UGT1A9: variants seen among roughly 807,000 people sequenced by gnomAD.
The protein encoded by UGT1A9 is UDP-glucuronosyltransferase 1A9.
In UGT1A9, 35 loss-of-function variants were observed where a neutral mutation model predicts 45.0. That is an observed-to-expected ratio of 0.78 (90% CI 0.59 to 1.03). UGT1A9 has a LOEUF of 1.03. UGT1A9 is among the 50% of genes least tolerant of loss of function. The probability of loss-of-function intolerance (pLI) is 0.00; values close to 1 mark genes in which losing one functional copy is unlikely to be tolerated. For missense variants in UGT1A9, 687 were observed against 666.6 expected (o/e 1.03, Z -0.34); for synonymous variants, 278 against 250.6 (o/e 1.11, Z -1.03).
intron 1 of UGT1A9, chr2:233,682,363 T>C: frequency 6.2e-7 from 1 of 1,614,138 alleles, no homozygotes; most frequent in Non-Finnish European, 8.5e-7. Flanking sequence ...AGAGTTGTTT[T>C]GATGCAGTGT....
intron 1 of UGT1A9, among the ~76,000 whole-genome samples, chr2:233,717,384 C>G (rs1271366561): frequency 6.6e-6 from 1 of 152,240 alleles, no homozygotes; most frequent in Non-Finnish European, 1.5e-5. Flanking sequence ...CAGACCTGCC[C>G]TCTCTGTGCC....
chr2:233,720,168 A>G (rs957295954), intron 1 of UGT1A9, among the ~76,000 whole-genome samples: 6 of 152,154 alleles, frequency 3.9e-5, no homozygotes, highest in Non-Finnish European at 7.3e-5. Context: ...AGTGTCAAAG[A>G]GGTTGACTCA....
intron 1 of UGT1A9, among the ~76,000 whole-genome samples, chr2:233,685,069 A>AT (rs1419211774): frequency 6.6e-6 from 1 of 151,848 alleles, no homozygotes; most frequent in Non-Finnish European, 1.5e-5. Flanking sequence ...TGCACAGGAG[A>AT]TTTTTTTTCT....
In UGT1A9 at chr2:233,672,289, T is replaced by A; in HGVS notation, c.355T>A (p.Leu119Ile). ...LMGSYNDIFDLFFSNCRSLFK... is the reference protein window; with the variant it reads ...LMGSYNDIFDIFFSNCRSLFK... ...GGGTTCATACAATGACATTTTTGAC[T>A]TATTTTTTTCAAATTGCAGGAGTTT... Residue 119 changes from leucine (L) to isoleucine (I), a missense_variant, in exon 1 of 5, where the codon TTA becomes ATA. By Grantham distance (5) the Leu-to-Ile change is conservative. Transcript: ENST00000354728. The A allele has an allele frequency of 6.2e-7, 1 of 1,613,896 alleles. No individual in the cohort carries two copies. Among genetic ancestry groups the A allele is most frequent in the Non-Finnish European group, 8.5e-7 (1 of 1,179,848 alleles).
chr2:233,706,043 C>T (rs1342276693), intron 1 of UGT1A9, among the ~76,000 whole-genome samples: 1 of 152,002 alleles, frequency 6.6e-6, no homozygotes, highest in East Asian at 1.9e-4. Flanking sequence ...TGCAGTGAGC[C>T]GAGATCACGC....
At chr2:233,724,475 T>A (rs568755731) in intron 1 of UGT1A9, among the ~76,000 whole-genome samples, 8 of 68,812 alleles carry the variant, frequency 1.2e-4, no homozygotes, top group Non-Finnish European at 1.5e-4. Flanking sequence ...GGCTCCTCAC[T>A]TCTCAGACGG....
chr2:233,729,379 A>C, intron 1 of UGT1A9: 1 of 1,613,990 alleles, frequency 6.2e-7, no homozygotes, highest in South Asian at 1.1e-5. Context: ...CATTTCGTGG[A>C]CCCAGGATGA....
chr2:233,736,616 C>T (rs1448370829), intron 1 of UGT1A9, among the ~76,000 whole-genome samples: 1 of 152,208 alleles, frequency 6.6e-6, no homozygotes, highest in Non-Finnish European at 1.5e-5. Flanking sequence ...TTAGAATTTT[C>T]AGCTTTTCTG....
At chr2:233,733,743 C>T (rs1444086929) in intron 1 of UGT1A9, among the ~76,000 whole-genome samples, 1 of 152,214 alleles carries the variant, frequency 6.6e-6, no homozygotes, top group Non-Finnish European at 1.5e-5. Context: ...CGATGTTCAT[C>T]AGGGATATTT....
chr2:233,717,184 T>G (rs1236730642), intron 1 of UGT1A9, among the ~76,000 whole-genome samples: 1 of 152,144 alleles, frequency 6.6e-6, no homozygotes. Context: ...AAGAGCACCC[T>G]CCCAGGCATG....
intron 1 of UGT1A9, among the ~76,000 whole-genome samples, chr2:233,710,315 T>G (rs1041842675): frequency 6.6e-6 from 1 of 152,244 alleles, no homozygotes; most frequent in African/African-American, 2.4e-5. Context: ...GGTAGGTGTA[T>G]GTATGACTTC....
chr2:233,703,726 C>CT (rs958884874), intron 1 of UGT1A9, among the ~76,000 whole-genome samples: 15 of 151,578 alleles, frequency 9.9e-5, no homozygotes, highest in African/African-American at 2.2e-4. Context: ...TAAATATAAA[C>CT]TTTTTTTTGT....
At chr2:233,765,847 T>G (rs531904348) in intron 1 of UGT1A9, among the ~76,000 whole-genome samples, 5 of 152,168 alleles carry the variant, frequency 3.3e-5, no homozygotes, top group African/African-American at 9.6e-5. Context: ...CTTGTCCCCC[T>G]CACAGAGCAT....
rs1692921739 is a variant in UGT1A9 at position 233,744,781 on chromosome 2, G to GA, written c.856-22248dup. Among the ~76,000 whole-genome samples the GA allele has an allele frequency of 2.0e-5, 3 of 151,856 alleles. No individual in the cohort carries two copies. The South Asian group carries it at 6.2e-4, about 31-fold the overall frequency. On this transcript the variant is annotated intron_variant, in intron 1 of 4. Coordinates refer to ENST00000354728, the MANE Select transcript of UGT1A9 (RefSeq NM_021027.3). ...AGTTTTAACTTTGCAAAATTCTCCTGAAAAATTCTTGGGGATCCCTAGGAT... is the reference window on the plus strand; with the variant it reads ...AGTTTTAACTTTGCAAAATTCTCCTGAAAAAATTCTTGGGGATCCCTAGGAT...
intron 1 of UGT1A9, chr2:233,747,375 G>C: frequency 6.2e-7 from 1 of 1,604,748 alleles, no homozygotes; most frequent in African/African-American, 1.3e-5. Flanking sequence ...CCATGCCAGA[G>C]GCCACCAGGC....
chr2:233,718,037 G>C (rs1268815456), intron 1 of UGT1A9: 1 of 377,926 alleles, frequency 2.6e-6, no homozygotes, highest in Non-Finnish European at 5.2e-6. Context: ...CCTTTGGTGA[G>C]CAGGAGCTCC....
chr2:233,760,983 C>T (rs752251675), intron 1 of UGT1A9: 4 of 1,614,060 alleles, frequency 2.5e-6, no homozygotes, highest in Non-Finnish European at 8.5e-7. Flanking sequence ...CGTATGCAAC[C>T]CTTGCCTCAG....
chr2:233,703,466 A>G (rs2075740155), intron 1 of UGT1A9, among the ~76,000 whole-genome samples: 1 of 151,304 alleles, frequency 6.6e-6, no homozygotes, highest in African/African-American at 2.4e-5. Context: ...TCTATTCTTT[A>G]TTATTTTCTG....
chr2:233,762,669 A>T (rs1575790989), intron 1 of UGT1A9, among the ~76,000 whole-genome samples: 1 of 150,304 alleles, frequency 6.7e-6, no homozygotes, highest in Non-Finnish European at 1.5e-5. Flanking sequence ...TTTAAAAAAC[A>T]TTTGTTCTGT....
Sources: gnomAD v4.1 joint callset for allele counts (sites outside exome capture counted in the v4.1 genomes callset) on GRCh38, gnomAD v4.1.1 for gene constraint, MANE v1.5 for transcripts, NCBI Gene and HGNC (gene_info 2026-07-23, HGNC 2026-07-21) for gene names.